The following EPHA6 variants were observed in gnomAD, a reference collection of about 807,000 sequenced individuals.
EPHA6 encodes ephrin type-A receptor 6.
Under a neutral mutation model 112.0 loss-of-function variants are expected in EPHA6, and 50 were observed. The observed-to-expected ratio is 0.45, with a 90% confidence interval of 0.36 to 0.56. The LOEUF is 0.56. EPHA6 is among the 20% of genes least tolerant of loss of function. EPHA6 has a pLI of 0.00. For missense variants in EPHA6, 1,280 were observed against 1,417.4 expected (o/e 0.90, Z 1.56); for synonymous variants, 529 against 490.7 (o/e 1.08, Z -1.03).
At chr3:97,545,720 A>C (rs1056481528) in intron 11 of EPHA6, among the ~76,000 whole-genome samples, 5 of 152,128 alleles carry the variant, frequency 3.3e-5, no homozygotes, top group African/African-American at 1.2e-4. Flanking sequence ...GTAGGTCACT[A>C]GGGACTTGCT....
At chr3:97,685,362 A>G (rs2107691719) in intron 14 of EPHA6, among the ~76,000 whole-genome samples, 1 of 152,296 alleles carries the variant, frequency 6.6e-6, no homozygotes, top group South Asian at 2.1e-4. Context: ...CTTTAAATGC[A>G]TTTATCACAA....
At chr3:97,067,845 T>C (rs1243861249) in intron 3 of EPHA6, among the ~76,000 whole-genome samples, 3 of 151,870 alleles carry the variant, frequency 2.0e-5, no homozygotes, top group Non-Finnish European at 4.4e-5. Flanking sequence ...ACTAGTTCAA[T>C]AAAGACTCAG....
rs372217183 is a variant in EPHA6 at position 97,187,747 on chromosome 3, G to A, written c.1115-38517G>A. The stretch of plus-strand genomic sequence containing the variant: ...AAAGAAAGAAAGAAAGAAAGAAAGA[G>A]GAAAGAAAGAAAGAAAAATGCCATA... On this transcript the variant is annotated intron_variant, in intron 3 of 17. Coordinates refer to ENST00000389672, the MANE Select transcript of EPHA6 (RefSeq NM_001080448.3). 3.4e-3 allele frequency among the ~76,000 whole-genome samples: 417 copies of A among 124,026 alleles called. 3 individuals carry two copies. The highest frequency in any genetic ancestry group is 0.011 in the African/African-American group (367 of 32,846). 81.4% of individuals were successfully genotyped at this position (124,026 alleles called of 152,430 possible).
intron 1 of EPHA6, among the ~76,000 whole-genome samples, chr3:96,859,487 T>C (rs528522768): frequency 7.2e-5 from 11 of 151,768 alleles, no homozygotes; most frequent in South Asian, 2.1e-4. Flanking sequence ...GCTCAAGCGA[T>C]ACTCTCATCT....
Position 97,286,802 on chromosome 3 carries a change from T to C in EPHA6, c.1606+42515T>C, listed in dbSNP as rs538871590. Among the ~76,000 whole-genome samples, 99 of 152,078 alleles carry C rather than the reference T, an allele frequency of 6.5e-4. 1 individual carries two copies. Among genetic ancestry groups the C allele is most frequent in the Non-Finnish European group, 1.2e-3 (82 of 68,020 alleles). ...AAATCACATTGGTATTTTATAGCAA[T>C]TGAATTGAATTATAGATTGCTTTCG... On this transcript the variant is annotated intron_variant, in intron 5 of 17. Coordinates refer to ENST00000389672, the MANE Select transcript of EPHA6 (RefSeq NM_001080448.3).
At chr3:97,520,124 C>T (rs189687932) in intron 10 of EPHA6, among the ~76,000 whole-genome samples, 10 of 152,018 alleles carry the variant, frequency 6.6e-5, no homozygotes, top group East Asian at 3.9e-4. Flanking sequence ...CCCGCCACCA[C>T]GCCCAGCTAA....
At chr3:96,966,781 T>C (rs1312988358) in intron 2 of EPHA6, among the ~76,000 whole-genome samples, 2 of 152,064 alleles carry the variant, frequency 1.3e-5, no homozygotes, top group Admixed American at 6.6e-5. Flanking sequence ...TCTTTTACAA[T>C]GTGATTTTTC....
In EPHA6 at chr3:97,353,296, C is replaced by T. The variant is rs930566319; in HGVS notation, c.1607-51854C>T. On this transcript the variant is annotated intron_variant, in intron 5 of 17. Coordinates refer to ENST00000389672, the MANE Select transcript of EPHA6 (RefSeq NM_001080448.3). ...GAGTAAAAGAAACTTTGTCTTGCAGCTAGGACACCAGCTCGGCCACAGTGG... is the reference window on the plus strand; with the variant it reads ...GAGTAAAAGAAACTTTGTCTTGCAGTTAGGACACCAGCTCGGCCACAGTGG... 2.0e-5 allele frequency among the ~76,000 whole-genome samples: 3 copies of T among 151,712 alleles called. No homozygotes were observed. In the South Asian group the frequency reaches 6.2e-4, roughly 32 times the overall value.
chr3:97,313,744 G>C (rs2081669308), intron 5 of EPHA6, among the ~76,000 whole-genome samples: 1 of 151,574 alleles, frequency 6.6e-6, no homozygotes, highest in Non-Finnish European at 1.5e-5. Flanking sequence ...TTGCTTTTGA[G>C]TTGATACGTT....
intron 3 of EPHA6, among the ~76,000 whole-genome samples, chr3:97,049,840 G>A (rs1158647589): frequency 4.6e-5 from 7 of 151,920 alleles, no homozygotes; most frequent in Non-Finnish European, 5.9e-5. Context: ...ACCCTTGAGG[G>A]GAGATATTAT....
intron 6 of EPHA6, among the ~76,000 whole-genome samples, chr3:97,432,031 CA>C (rs2089540764): frequency 2.6e-5 from 4 of 152,092 alleles, no homozygotes; most frequent in Admixed American, 2.6e-4. Flanking sequence ...CAGAAACAGG[CA>C]ACTGACTTAA....
Position 97,751,446 on chromosome 3 carries a change from T to C in EPHA6, c.*2745T>C, listed in dbSNP as rs1477741396. On this transcript the variant is annotated 3_prime_UTR_variant, in exon 18 of 18. Coordinates refer to ENST00000389672, the MANE Select transcript of EPHA6 (RefSeq NM_001080448.3). ...GAATGGTAAGCATGATAATCTTAAA[T>C]GTAACTTTGAACTTCATTATGGTTA... is the stretch of plus-strand genomic sequence containing the variant. Among the ~76,000 whole-genome samples the C allele has an allele frequency of 6.6e-6, 1 of 152,128 alleles. No individual in the cohort carries two copies.
chr3:96,861,797 G>T (rs1012311843), intron 1 of EPHA6, among the ~76,000 whole-genome samples: 1 of 151,856 alleles, frequency 6.6e-6, no homozygotes, highest in Non-Finnish European at 1.5e-5. Flanking sequence ...TTGATCTCAG[G>T]TTCTAGATAA....
chr3:97,465,332 G>A (rs576734143), intron 7 of EPHA6, among the ~76,000 whole-genome samples: 3 of 151,954 alleles, frequency 2.0e-5, no homozygotes, highest in Non-Finnish European at 2.9e-5. Context: ...GTAAATAGTA[G>A]GGCAATACTG....
chr3:97,184,066 T>C (rs1414576607), intron 3 of EPHA6, among the ~76,000 whole-genome samples: 1 of 152,180 alleles, frequency 6.6e-6, no homozygotes, highest in Non-Finnish European at 1.5e-5. Context: ...GAAATGTTTG[T>C]ATAACATTAA....
chr3:96,857,906 G>C (rs2035790313), intron 1 of EPHA6, among the ~76,000 whole-genome samples: 1 of 152,118 alleles, frequency 6.6e-6, no homozygotes, highest in South Asian at 2.1e-4. Context: ...CAATAACCAT[G>C]TTTTGTGAGC....
chr3:96,951,892 A>C (rs147998037), intron 2 of EPHA6, among the ~76,000 whole-genome samples: 125 of 152,276 alleles, frequency 8.2e-4, no homozygotes, highest in African/African-American at 2.9e-3. Flanking sequence ...TGTGGCCTGC[A>C]GTAGTCATGA....
chr3:97,023,995 A>G (rs1409415915), intron 3 of EPHA6, among the ~76,000 whole-genome samples: 1 of 152,012 alleles, frequency 6.6e-6, no homozygotes, highest in Admixed American at 6.6e-5. Flanking sequence ...CTGTTTCTGT[A>G]TTTTTTTCTC....
At chr3:96,897,862 G>A (rs1434583881) in intron 2 of EPHA6, among the ~76,000 whole-genome samples, 1 of 152,120 alleles carries the variant, frequency 6.6e-6, no homozygotes, top group African/African-American at 2.4e-5. Flanking sequence ...TATGAATTTG[G>A]CAATTCCTTC....
Sources: gnomAD v4.1 joint callset for allele counts (sites outside exome capture counted in the v4.1 genomes callset) on GRCh38, gnomAD v4.1.1 for gene constraint, MANE v1.5 for transcripts, NCBI Gene and HGNC (gene_info 2026-07-23, HGNC 2026-07-21) for gene names.